The following PPP2R5C variants were observed in gnomAD, a reference collection of about 807,000 sequenced individuals.
PPP2R5C encodes the protein protein phosphatase 2 regulatory subunit B'gamma.
A neutral mutation model predicts 68.9 loss-of-function variants in PPP2R5C; 7 were observed. That is an observed-to-expected ratio of 0.10 (90% CI 0.06 to 0.19). PPP2R5C has a LOEUF of 0.19. Ranked by LOEUF, PPP2R5C falls within the 10% of genes least tolerant of loss-of-function variation. The probability of loss-of-function intolerance (pLI) is 1.00; values close to 1 mark genes in which losing one functional copy is unlikely to be tolerated. For synonymous variants in PPP2R5C, 210 were observed against 222.2 expected, an observed-to-expected ratio of 0.95 and a Z score of 0.49; for missense variants, 348 against 641.3, an observed-to-expected ratio of 0.54 and a Z score of 4.94.
exon 6 of PPP2R5C, chr14:101,890,273 A>C (rs1178516906): frequency 1.9e-6 from 3 of 1,613,978 alleles, no homozygotes; most frequent in Non-Finnish European, 2.5e-6. Context: ...ATGGCATAGC[A>C]GAGTTACTGG....
At chr14:101,768,985 C>T (rs576027454) in intron 2 of PPP2R5C, among the ~76,000 whole-genome samples, 169 of 152,176 alleles carry the variant, frequency 1.1e-3, no homozygotes, top group African/African-American at 3.7e-3. Context: ...CCACCACGCC[C>T]GGCTCATTTT....
intron 2 of PPP2R5C, among the ~76,000 whole-genome samples, chr14:101,768,665 C>T (rs960098457): frequency 7.9e-5 from 12 of 152,130 alleles, no homozygotes; most frequent in Non-Finnish European, 7.4e-5. Flanking sequence ...CCCATAATGA[C>T]GCTTTAAAGG....
intron 1 of PPP2R5C, 127 bp from the exon 4 acceptor site, chr14:101,856,559 C>A: frequency 1.2e-6 from 1 of 855,878 alleles, no homozygotes; most frequent in Non-Finnish European, 1.8e-6. Context: ...CCTTTGTTTA[C>A]CCCACCCATC....
At chr14:101,871,927 T>C (rs2043445230) in intron 2 of PPP2R5C, among the ~76,000 whole-genome samples, 1 of 152,194 alleles carries the variant, frequency 6.6e-6, no homozygotes, top group Non-Finnish European at 1.5e-5. Context: ...TCCGCTATTA[T>C]CATACATAAA....
chr14:101,810,304 G>A (rs879088088), intron 1 of PPP2R5C: 1 of 404,176 alleles, frequency 2.5e-6, no homozygotes, highest in Non-Finnish European at 4.5e-6. Flanking sequence ...CCCTTTCAAA[G>A]CTGTGCTGAT....
chr14:101,785,453 C>A (rs955136608), intron 2 of PPP2R5C, among the ~76,000 whole-genome samples: 2 of 152,174 alleles, frequency 1.3e-5, no homozygotes, highest in African/African-American at 4.8e-5. Context: ...AGGCCACCTG[C>A]CTGCCTTGGT....
intron 2 of PPP2R5C, among the ~76,000 whole-genome samples, chr14:101,878,297 A>G (rs559925828): frequency 5.9e-5 from 9 of 152,332 alleles, no homozygotes; most frequent in Admixed American, 2.0e-4. Context: ...GGCCACAAGC[A>G]TTGAGTCCAT....
chr14:101,799,838 C>G (rs1374436222), intron 3 of PPP2R5C, among the ~76,000 whole-genome samples: 1 of 152,180 alleles, frequency 6.6e-6, no homozygotes, highest in Non-Finnish European at 1.5e-5. Flanking sequence ...CTCATTTATC[C>G]AGATTTCCTT....
At chr14:101,860,273 C>T (rs1412362089) in intron 2 of PPP2R5C, among the ~76,000 whole-genome samples, 1 of 152,140 alleles carries the variant, frequency 6.6e-6, no homozygotes, top group Non-Finnish European at 1.5e-5. Context: ...CTGTTGTGGA[C>T]ATTTCATGTA....
intron 1 of PPP2R5C, among the ~76,000 whole-genome samples, chr14:101,848,844 T>C (rs1184332859): frequency 2.0e-5 from 3 of 152,246 alleles, no homozygotes; most frequent in Non-Finnish European, 4.4e-5. Context: ...ATCTTTAGCC[T>C]TTGTTATTTG....
intron 12 of PPP2R5C, among the ~76,000 whole-genome samples, chr14:101,914,857 C>G (rs572924241): frequency 1.3e-5 from 2 of 152,182 alleles, no homozygotes; most frequent in Non-Finnish European, 2.9e-5. Flanking sequence ...TATTTTACTA[C>G]TCACTTCCCC....
chr14:101,762,049 C>A, intron 1 of PPP2R5C, 129 bp downstream of exon 1: 1 of 957,414 alleles, frequency 1.0e-6, no homozygotes, highest in Non-Finnish European at 1.3e-6. Context: ...CTTCGCGTCC[C>A]CGAGGGCGGC....
chr14:101,775,902 C>T (rs1025440678), intron 2 of PPP2R5C, among the ~76,000 whole-genome samples: 2 of 152,242 alleles, frequency 1.3e-5, no homozygotes, highest in African/African-American at 4.8e-5. Flanking sequence ...CATCCTCCCC[C>T]AGGGACCCCG....
upstream of PPP2R5C, among the ~76,000 whole-genome samples, chr14:101,761,567 C>CG (rs1354080310): frequency 2.5e-5 from 3 of 118,728 alleles, no homozygotes; most frequent in African/African-American, 9.4e-5. Flanking sequence ...TTGAGTGCAG[C>CG]GGGGCGGGGC....
intron 2 of PPP2R5C, among the ~76,000 whole-genome samples, chr14:101,858,699 T>C (rs965450544): frequency 1.3e-5 from 2 of 152,220 alleles, no homozygotes; most frequent in African/African-American, 4.8e-5. Flanking sequence ...TATAAGTATA[T>C]AAATTCTATA....
At chr14:101,918,195 A>C (rs1050066676) in intron 13 of PPP2R5C, among the ~76,000 whole-genome samples, 15 of 115,992 alleles carry the variant, frequency 1.3e-4, no homozygotes, top group Non-Finnish European at 2.7e-4. Flanking sequence ...AGTAATCCCA[A>C]CTCTTAACTG....
chr14:101,886,370 C>T (rs950613056), intron 5 of PPP2R5C, among the ~76,000 whole-genome samples: 7 of 151,954 alleles, frequency 4.6e-5, no homozygotes, highest in East Asian at 1.9e-4. Flanking sequence ...AAAGTTATTA[C>T]GCATAATTTA....
intron 13 of PPP2R5C, among the ~76,000 whole-genome samples, chr14:101,924,257 A>G (rs2047163909): frequency 6.6e-6 from 1 of 152,102 alleles, no homozygotes; most frequent in African/African-American, 2.4e-5. Flanking sequence ...ACAGTTATCC[A>G]AATCCTCATG....
At chr14:101,907,331 T>C (rs1268406729) in intron 10 of PPP2R5C, among the ~76,000 whole-genome samples, 1 of 151,874 alleles carries the variant, frequency 6.6e-6, no homozygotes. Context: ...CCGCTACGCC[T>C]GGCTAATTTT....
Sources: allele counts gnomAD v4.1 joint callset (sites outside exome capture counted in the v4.1 genomes callset), GRCh38; gene constraint gnomAD v4.1.1; transcripts MANE v1.5; gene names NCBI Gene and HGNC (gene_info 2026-07-23, HGNC 2026-07-21).